EDARADD: variants seen among roughly 807,000 people sequenced by gnomAD.
The protein encoded by EDARADD is ectodysplasin-A receptor-associated adapter protein.
Under a neutral mutation model 25.6 loss-of-function variants are expected in EDARADD, and 20 were observed. The ratio of observed to expected loss-of-function variants is 0.78; its 90% CI spans 0.55 to 1.14. The LOEUF (loss-of-function observed/expected upper bound fraction) is 1.14, where lower values mean the gene tolerates loss of function less well. EDARADD is among the 50% of genes most tolerant of loss of function. The pLI, the probability that EDARADD is intolerant of heterozygous loss-of-function variation, is 0.00. For missense variants in EDARADD, 225 were observed against 270.1 expected (o/e 0.83, Z 1.17); for synonymous variants, 86 against 94.4 (o/e 0.91, Z 0.52).
intron 2 of EDARADD, chr1:236,348,969 A>AC (rs924606933): frequency 6.6e-6 from 1 of 150,992 alleles, no homozygotes. Context: ...AAAAGAAGGT[A>AC]CCCCCAAAAT....
chr1:236,463,376 C>T (rs1160502153), intron 4 of EDARADD, among the ~76,000 whole-genome samples: 1 of 152,152 alleles, frequency 6.6e-6, no homozygotes, highest in Non-Finnish European at 1.5e-5. Flanking sequence ...TCACTGCAAC[C>T]TCCGCCTCCT....
intron 3 of EDARADD, among the ~76,000 whole-genome samples, chr1:236,417,520 T>C (rs1325192234): frequency 6.6e-6 from 1 of 152,216 alleles, no homozygotes; most frequent in East Asian, 1.9e-4. Context: ...TGTTTTCTCA[T>C]AGGGCATAAA....
intron 3 of EDARADD, among the ~76,000 whole-genome samples, chr1:236,424,158 T>TA (rs1368479053): frequency 7.1e-6 from 1 of 140,546 alleles, no homozygotes; most frequent in Non-Finnish European, 1.6e-5. Context: ...AAGCATCTTT[T>TA]TTTTTTTTTT....
chr1:236,455,158 C>T (rs756211116), intron 4 of EDARADD, among the ~76,000 whole-genome samples: 13 of 151,804 alleles, frequency 8.6e-5, no homozygotes, highest in Non-Finnish European at 1.2e-4. Context: ...TGCAGTGAGC[C>T]GAGATTGTGC....
chr1:236,399,536 T>C (rs1667578846), intron 1 of EDARADD, among the ~76,000 whole-genome samples: 1 of 152,084 alleles, frequency 6.6e-6, no homozygotes, highest in Non-Finnish European at 1.5e-5. Flanking sequence ...ATTGAGAAAA[T>C]TCACAAGACT....
At chr1:236,431,435 G>A (rs888584685) in intron 4 of EDARADD, among the ~76,000 whole-genome samples, 9 of 152,046 alleles carry the variant, frequency 5.9e-5, no homozygotes, top group Non-Finnish European at 8.8e-5. Context: ...AAAACATTAA[G>A]GTCTGACATT....
intron 3 of EDARADD, among the ~76,000 whole-genome samples, chr1:236,423,424 T>A (rs1467572869): frequency 6.6e-6 from 1 of 152,188 alleles, no homozygotes; most frequent in African/African-American, 2.4e-5. Context: ...TCTCTTTCCG[T>A]GAGCATTGTT....
At chr1:236,400,720 A>ATTTTTTTTTTTTTTTT (rs55864840) in intron 1 of EDARADD, among the ~76,000 whole-genome samples, 2 of 121,180 alleles carry the variant, frequency 1.7e-5, no homozygotes, top group African/African-American at 3.1e-5. Flanking sequence ...ACACCCGGCT[A>ATTTTTTTTTTTTTTTT]TTTTTTTTTT....
At chr1:236,393,391 C>CTTTCTTTTTTTTTTTTTTTTTTTT (rs1553264552), upstream of EDARADD, among the ~76,000 whole-genome samples, 1 of 87,212 alleles carries the variant, frequency 1.1e-5, no homozygotes, top group African/African-American at 5.2e-5. Flanking sequence ...TTCTTTCTTT[C>CTTTCTTTTTTTTTTTTTTTTTTTT]TTTTTTTTTT....
At chr1:236,419,108 A>C (rs879532304) in intron 3 of EDARADD, among the ~76,000 whole-genome samples, 1 of 152,184 alleles carries the variant, frequency 6.6e-6, no homozygotes, top group Non-Finnish European at 1.5e-5. Flanking sequence ...CACCTGAGAA[A>C]AGTCGCTGTT....
intron 3 of EDARADD, among the ~76,000 whole-genome samples, chr1:236,382,706 T>G (rs752809594): frequency 7.9e-5 from 12 of 152,188 alleles, no homozygotes; most frequent in Non-Finnish European, 1.5e-4. Flanking sequence ...TAGGACTAAT[T>G]ATTCTCCACT....
chr1:236,417,308 A>G (rs935208728), intron 3 of EDARADD, among the ~76,000 whole-genome samples: 1 of 152,218 alleles, frequency 6.6e-6, no homozygotes, highest in Non-Finnish European at 1.5e-5. Context: ...ATCATTTGTA[A>G]TTAGCGTTAA....
chr1:236,476,382 A>G (rs996220911), intron 5 of EDARADD, among the ~76,000 whole-genome samples: 1 of 152,024 alleles, frequency 6.6e-6, no homozygotes, highest in African/African-American at 2.4e-5. Flanking sequence ...TTTTTCTATG[A>G]CATTAAAAAA....
chr1:236,450,331 T>C lies in EDARADD; in HGVS notation c.220-17900T>C, dbSNP rs145468046. On this transcript the variant is annotated intron_variant, in intron 4 of 5. Coordinates refer to ENST00000334232, the MANE Select transcript of EDARADD (RefSeq NM_145861.4). ...AATAATAAAGAAAATGAAGGAAGTA[T>C]GATCTTCTCTTTTTTCCCTTTGCAT... is the stretch of plus-strand genomic sequence containing the variant. Among the ~76,000 whole-genome samples the C allele has an allele frequency of 5.0e-3, 761 of 151,998 alleles. 17 individuals carry two copies. The highest frequency in any genetic ancestry group is 0.045 in the Admixed American group (693 of 15,260).
intron 2 of EDARADD, among the ~76,000 whole-genome samples, chr1:236,412,721 A>G (rs1030023530): frequency 6.6e-6 from 1 of 152,154 alleles, no homozygotes; most frequent in Non-Finnish European, 1.5e-5. Flanking sequence ...AGGAGCCCTG[A>G]ACTTGCTCTG....
rs771390820 is a variant in EDARADD, at chr1:236,482,667, C to T, written c.*18C>T. 1.9e-6 allele frequency: 3 copies of T among 1,610,826 alleles called. No homozygotes were observed. The highest frequency in any genetic ancestry group is 4.5e-5 in the East Asian group (2 of 44,886). On this transcript the variant is annotated 3_prime_UTR_variant, in exon 6 of 6. Coordinates refer to ENST00000334232, the MANE Select transcript of EDARADD (RefSeq NM_145861.4). Reference sequence around the variant, plus strand: ...ACTTCTAGAGCTCTTCTTCTTCCTTCATTGGCCTCTCCGGATGTTGAAACA... The same window carrying T: ...ACTTCTAGAGCTCTTCTTCTTCCTTTATTGGCCTCTCCGGATGTTGAAACA...
intron 3 of EDARADD, among the ~76,000 whole-genome samples, chr1:236,363,006 A>ATATATATATATATATATAT (rs1553262239): frequency 3.5e-4 from 15 of 42,938 alleles, no homozygotes; most frequent in East Asian, 1.9e-3. Context: ...AAAAAAAAAA[A>ATATATATATATATATATAT]ATATATATAT....
At chr1:236,476,288 C>G (rs1161975927) in intron 5 of EDARADD, among the ~76,000 whole-genome samples, 1 of 152,114 alleles carries the variant, frequency 6.6e-6, no homozygotes, top group Non-Finnish European at 1.5e-5. Flanking sequence ...ACATTGCCAA[C>G]ACTGAATCTT....
intron 5 of EDARADD, among the ~76,000 whole-genome samples, chr1:236,473,286 G>T (rs1029266819): frequency 6.6e-6 from 1 of 151,986 alleles, no homozygotes; most frequent in African/African-American, 2.4e-5. Flanking sequence ...GCTCGGAAAG[G>T]GTAGCGAGAC....
Sources: gnomAD v4.1 joint callset for allele counts (sites outside exome capture counted in the v4.1 genomes callset) on GRCh38, gnomAD v4.1.1 for gene constraint, MANE v1.5 for transcripts, NCBI Gene and HGNC (gene_info 2026-07-23, HGNC 2026-07-21) for gene names.